The following PRKX variants were observed in gnomAD, a reference collection of about 807,000 sequenced individuals.
The protein encoded by PRKX is protein kinase cAMP-dependent X-linked catalytic subunit.
A neutral mutation model predicts 22.0 loss-of-function variants in PRKX; 12 were observed. The ratio of observed to expected loss-of-function variants is 0.54; its 90% CI spans 0.35 to 0.88. The LOEUF (loss-of-function observed/expected upper bound fraction) is 0.88, where lower values mean the gene tolerates loss of function less well. PRKX is among the 40% of genes least tolerant of loss of function. PRKX has a pLI of 0.01. For synonymous variants in PRKX, 134 were observed against 137.7 expected (o/e 0.97, Z 0.19); for missense variants, 217 against 308.0 (o/e 0.70, Z 2.21).
intron 1 of PRKX, among the ~76,000 whole-genome samples, chrX:3,701,671 G>C (rs1412809852): frequency 9.8e-5 from 11 of 111,953 alleles, no homozygotes; most frequent in Non-Finnish European, 1.9e-4. Flanking sequence ...AGATGGTTAA[G>C]GCATTCTAAG....
chrX:3,618,381 G>A, intron 6 of PRKX, among the ~76,000 whole-genome samples: 2 of 111,624 alleles, frequency 1.8e-5, no homozygotes. Flanking sequence ...ACTTTGTGAG[G>A]CCAAGGTGGG....
At chrX:3,711,566 G>A (rs1928789753) in intron 1 of PRKX, among the ~76,000 whole-genome samples, 1 of 112,174 alleles carries the variant, frequency 8.9e-6, no homozygotes, top group African/African-American at 3.2e-5. Context: ...AAACGCTGGT[G>A]CTGAGTGCCA....
chrX:3,640,389 G>A (rs1927053004), intron 4 of PRKX, among the ~76,000 whole-genome samples: 1 of 111,755 alleles, frequency 8.9e-6, no homozygotes, highest in Non-Finnish European at 1.9e-5. Flanking sequence ...GTTCCTATCT[G>A]GAAAAGTGCC....
intron 1 of PRKX, among the ~76,000 whole-genome samples, chrX:3,693,073 G>A (rs955237068): frequency 4.5e-5 from 5 of 110,662 alleles, no homozygotes; most frequent in African/African-American, 1.6e-4. Context: ...GTCTACCTCC[G>A]AGAAACTGCA....
chrX:3,615,313 C>G (rs1926397707), intron 7 of PRKX, among the ~76,000 whole-genome samples: 1 of 111,605 alleles, frequency 9.0e-6, no homozygotes, highest in African/African-American at 3.3e-5. Flanking sequence ...GCCACAGCAC[C>G]CAGCCAAAAA....
chrX:3,631,593 A>G (rs1926783556), intron 4 of PRKX, among the ~76,000 whole-genome samples: 1 of 112,793 alleles, frequency 8.9e-6, no homozygotes, highest in Non-Finnish European at 1.9e-5. Context: ...GACCTTATTC[A>G]GCAATAGGGT....
chrX:3,699,226 G>A (rs1928508520), intron 1 of PRKX, among the ~76,000 whole-genome samples: 1 of 105,205 alleles, frequency 9.5e-6, no homozygotes, highest in Non-Finnish European at 2.0e-5. Context: ...TAGGAGAGAC[G>A]GGGTTTCACC....
At chrX:3,631,859 A>T (rs1211713768) in intron 4 of PRKX, among the ~76,000 whole-genome samples, 4 of 112,660 alleles carry the variant, frequency 3.6e-5, no homozygotes, top group Non-Finnish European at 7.5e-5. Flanking sequence ...CTTTGATCTC[A>T]AACTTCTGGT....
chrX:3,677,163 G>T (rs1927976125), intron 1 of PRKX, among the ~76,000 whole-genome samples: 1 of 110,238 alleles, frequency 9.1e-6, no homozygotes, highest in Admixed American at 9.8e-5. Flanking sequence ...CAAAGTTTTA[G>T]TTGAACAAGA....
intron 1 of PRKX, among the ~76,000 whole-genome samples, chrX:3,702,180 G>C (rs1299834571): frequency 2.7e-5 from 3 of 111,997 alleles, no homozygotes; most frequent in Admixed American, 9.5e-5. Flanking sequence ...TCCAACATAA[G>C]CATGCATACC....
chrX:3,639,639 T>C (rs1380973692), intron 4 of PRKX, among the ~76,000 whole-genome samples: 1 of 108,777 alleles, frequency 9.2e-6, no homozygotes, highest in Non-Finnish European at 1.9e-5. Flanking sequence ...GATGGATGGA[T>C]GGATGATAAA....
intron 2 of PRKX, among the ~76,000 whole-genome samples, chrX:3,669,336 ATCC>A (rs1927801871): frequency 9.0e-6 from 1 of 110,915 alleles, no homozygotes; most frequent in African/African-American, 3.3e-5. Flanking sequence ...CCATCCATCC[ATCC>A]ATCCATCCAT....
intron 5 of PRKX, among the ~76,000 whole-genome samples, chrX:3,625,461 T>C (rs1439675760): frequency 8.9e-6 from 1 of 112,520 alleles, no homozygotes; most frequent in Non-Finnish European, 1.9e-5. Flanking sequence ...AGGGGGCTGG[T>C]GCACCCATCA....
Position 3,713,274 on chromosome X carries a change from G to T in PRKX, c.-21C>A. ...TCCATGGGGACGCACTCAGGTCCGG[G>T]GCACCGGGCCAGGCCGGAGCGCTCG... is the stretch of plus-strand genomic sequence containing the variant. On this transcript the variant is annotated 5_prime_UTR_variant, in exon 1 of 9. Coordinates refer to ENST00000262848, the MANE Select transcript of PRKX (RefSeq NM_005044.5). The T allele has an allele frequency of 2.9e-5, 29 of 1,010,974 alleles. No homozygotes were observed. In the South Asian group the frequency reaches 9.5e-4, roughly 33 times the overall value. 83.3% of individuals were successfully genotyped at this position (1,010,974 alleles called of 1,213,427 possible).
chrX:3,699,048 T>A (rs369848799), intron 1 of PRKX, among the ~76,000 whole-genome samples: 112 of 97,718 alleles, frequency 1.1e-3, no homozygotes, highest in African/African-American at 3.7e-3. Context: ...ATTTTATTTT[T>A]TTTTTTGAGA....
chrX:3,628,928 T>C (rs1174167014), intron 4 of PRKX, among the ~76,000 whole-genome samples: 1 of 110,284 alleles, frequency 9.1e-6, no homozygotes, highest in Non-Finnish European at 1.9e-5. Flanking sequence ...TAATCTCAGC[T>C]ACTCAGGAGG....
At chrX:3,696,840 C>T (rs780682890) in intron 1 of PRKX, among the ~76,000 whole-genome samples, 217 of 111,197 alleles carry the variant, frequency 2.0e-3, no homozygotes, top group African/African-American at 6.7e-3. Context: ...GCCAACAAGG[C>T]AAAACTCTGT....
At chrX:3,706,994 G>A (rs1193799195) in intron 1 of PRKX, among the ~76,000 whole-genome samples, 1 of 111,412 alleles carries the variant, frequency 9.0e-6, no homozygotes, top group Non-Finnish European at 1.9e-5. Flanking sequence ...GAGTGTGGTG[G>A]TGCACGTCTG....
In PRKX at chrX:3,636,241, C is replaced by T. The variant is rs763096728; in HGVS notation, c.719+5611G>A. 4.5e-5 allele frequency among the ~76,000 whole-genome samples: 5 copies of T among 112,079 alleles called. No individual in the cohort carries two copies. In the Admixed American group the frequency reaches 4.8e-4, roughly 11 times the overall value. ...AAGAGTGGGAATCCAGCAAATGGAGCTGCGATAGGAAAGGTGCAGACACAG... is the reference window on the plus strand; with the variant it reads ...AAGAGTGGGAATCCAGCAAATGGAGTTGCGATAGGAAAGGTGCAGACACAG... On this transcript the variant is annotated intron_variant, in intron 4 of 8. Transcript: ENST00000262848.
Sources: allele counts gnomAD v4.1 joint callset (sites outside exome capture counted in the v4.1 genomes callset), GRCh38; gene constraint gnomAD v4.1.1; transcripts MANE v1.5; gene names NCBI Gene and HGNC (gene_info 2026-07-23, HGNC 2026-07-21).